Variants in SMYD3 observed in about 807,000 individuals in gnomAD.
SMYD3 encodes SET and MYND domain containing 3.
Under a neutral mutation model 57.7 loss-of-function variants are expected in SMYD3, and 36 were observed. The observed-to-expected ratio is 0.62, with a 90% CI of 0.48 to 0.82. SMYD3 has a LOEUF of 0.82. SMYD3 is among the 40% of genes least tolerant of loss of function. The pLI is 0.00. For missense variants in SMYD3, 515 were observed against 538.8 expected (o/e 0.96, Z 0.44); for synonymous variants, 211 against 195.0 (o/e 1.08, Z -0.68).
intron 5 of SMYD3, among the ~76,000 whole-genome samples, chr1:245,938,256 G>A (rs1192509243): frequency 1.3e-5 from 2 of 152,166 alleles, no homozygotes; most frequent in African/African-American, 2.4e-5. Context: ...CAAGCTGTGC[G>A]GGCCCGCATG....
In SMYD3 at chr1:246,355,165, A is replaced by C. The variant is rs1558420293; in HGVS notation, c.165-71T>G. 7.0e-7 allele frequency: 1 copy of C among 1,426,118 alleles called. No homozygotes were observed. The allele number at this position is 1,426,118 out of a possible 1,614,324, so 88.3% of individuals were successfully genotyped here. A position where few individuals can be genotyped will look rare whatever the true frequency, so the allele number is the denominator to read the frequency against. On this transcript the variant is annotated intron_variant, in intron 1 of 11. Coordinates refer to ENST00000490107, the MANE Select transcript of SMYD3 (RefSeq NM_001167740.2). This position sits in a 1 kb window ranked among gnomAD's most constrained non-coding sequence, Gnocchi z 5.0. ...CATAGTACATAGTTGAAGAAAGAAA[A>C]CATAAGTCAACATACGGACACCCGT...
intron 5 of SMYD3, among the ~76,000 whole-genome samples, chr1:246,206,441 A>G (rs2063000805): frequency 6.6e-6 from 1 of 152,180 alleles, no homozygotes; most frequent in African/African-American, 2.4e-5. Context: ...AGAATCTCAC[A>G]GAAATATAAG....
At chr1:245,818,630 G>A (rs542539807) in intron 10 of SMYD3, among the ~76,000 whole-genome samples, 13,377 of 151,604 alleles carry the variant, frequency 0.088, 1,979 homozygotes, top group African/African-American at 0.31. Context: ...ACCCATCAGT[G>A]TGCTGTATTC....
intron 1 of SMYD3, among the ~76,000 whole-genome samples, chr1:246,380,900 A>G (rs543082141): frequency 6.6e-6 from 1 of 152,330 alleles, no homozygotes; most frequent in Non-Finnish European, 1.5e-5. Context: ...AGCTAGGGTA[A>G]GGTAAAGGCA....
At chr1:246,026,511 C>T (rs2059576628) in intron 5 of SMYD3, among the ~76,000 whole-genome samples, 2 of 152,162 alleles carry the variant, frequency 1.3e-5, no homozygotes. Flanking sequence ...AGCATGTGTG[C>T]ACTTCATGTG....
intron 4 of SMYD3, among the ~76,000 whole-genome samples, chr1:246,330,220 A>T (rs2065436927): frequency 6.6e-6 from 1 of 152,200 alleles, no homozygotes; most frequent in South Asian, 2.1e-4. Flanking sequence ...AAGAAAAATG[A>T]TTTTGTCAAC....
At position 246,245,120 on chromosome 1, in the gene SMYD3, C is replaced by CTTT. The variant is rs74163421; in HGVS notation, c.531+82078_531+82080dup. Among the ~76,000 whole-genome samples the CTTT allele has an allele frequency of 8.9e-4, 110 of 122,946 alleles. 1 individual carries two copies. The highest frequency in any genetic ancestry group is 3.0e-3 in the African/African-American group (98 of 32,624). The allele number at this position is 122,946 out of a possible 152,430, so 80.7% of individuals were successfully genotyped here. Reference sequence around the variant, plus strand: ...CCTAAAAGAATTCAGCAGCTACTGCCTTTTTTTTTTTTTTTTTTTTTAGTT... The same window carrying CTTT: ...CCTAAAAGAATTCAGCAGCTACTGCCTTTTTTTTTTTTTTTTTTTTTTTTAGTT... On this transcript the variant is annotated intron_variant, in intron 5 of 11. Transcript: ENST00000490107.
intron 5 of SMYD3, among the ~76,000 whole-genome samples, chr1:246,305,374 T>G (rs566904831): frequency 6.6e-6 from 1 of 152,210 alleles, no homozygotes; most frequent in Admixed American, 6.5e-5. Context: ...CCTTGTTATC[T>G]TCAATGTAAC....
intron 5 of SMYD3, among the ~76,000 whole-genome samples, chr1:246,162,991 T>C (rs2062147596): frequency 6.6e-6 from 1 of 152,312 alleles, no homozygotes; most frequent in East Asian, 1.9e-4. Flanking sequence ...TTCATCTGTA[T>C]TGTTAACTTG....
At chr1:245,937,863 A>G (rs901422749) in intron 5 of SMYD3, among the ~76,000 whole-genome samples, 1 of 152,216 alleles carries the variant, frequency 6.6e-6, no homozygotes, top group African/African-American at 2.4e-5. Context: ...CCTCACTGTA[A>G]TCTTACTCCC....
intron 5 of SMYD3, among the ~76,000 whole-genome samples, chr1:246,052,066 G>A (rs897886810): frequency 2.0e-5 from 3 of 152,152 alleles, no homozygotes; most frequent in African/African-American, 7.2e-5. Flanking sequence ...CACTTAATTA[G>A]ATTATAAACT....
intron 5 of SMYD3, among the ~76,000 whole-genome samples, chr1:246,161,067 C>T (rs755252739): frequency 1.3e-5 from 2 of 152,122 alleles, no homozygotes; most frequent in Non-Finnish European, 2.9e-5. Context: ...GGTGTTCCAG[C>T]GATTGCTCTA....
At chr1:246,061,346 G>GA (rs1204023873) in intron 5 of SMYD3, among the ~76,000 whole-genome samples, 2 of 152,066 alleles carry the variant, frequency 1.3e-5, no homozygotes, top group African/African-American at 4.8e-5. Context: ...ATATCACCTG[G>GA]AAAAAATGTG....
At chr1:246,172,736 C>T (rs1242860844) in intron 5 of SMYD3, among the ~76,000 whole-genome samples, 8 of 146,836 alleles carry the variant, frequency 5.4e-5, no homozygotes, top group East Asian at 4.3e-4. Context: ...CCACACTGTA[C>T]GCTTAGGCTA....
intron 10 of SMYD3, among the ~76,000 whole-genome samples, chr1:245,798,418 ACACACC>A (rs199942607): frequency 1.4e-5 from 2 of 143,178 alleles, no homozygotes; most frequent in African/African-American, 2.6e-5. Context: ...ACACACACAT[ACACACC>A]CCCACACACA....
intron 1 of SMYD3, among the ~76,000 whole-genome samples, chr1:246,378,719 AATATATT>A (rs370148866): frequency 0.059 from 2,222 of 37,870 alleles, 119 homozygotes; most frequent in African/African-American, 0.13. Flanking sequence ...TATATAATAT[AATATATT>A]ATATATTATA....
intron 8 of SMYD3, among the ~76,000 whole-genome samples, chr1:245,908,665 T>C (rs2054749296): frequency 6.6e-6 from 1 of 152,088 alleles, no homozygotes; most frequent in South Asian, 2.1e-4. Flanking sequence ...AAACTAGAAA[T>C]CAGTAAAAGA....
chr1:245,970,418 A>G lies in SMYD3; in HGVS notation c.532-40481T>C, dbSNP rs544837643. On this transcript the variant is annotated intron_variant, in intron 5 of 11. Transcript: ENST00000490107. ...AGGCATGGGCAAGGACTTCATGTCT[A>G]AAACACCAAAAGCAATGGCAACAAA... 5.8e-4 allele frequency among the ~76,000 whole-genome samples: 88 copies of G among 152,366 alleles called. 1 individual carries two copies. The highest frequency in any genetic ancestry group is 2.0e-3 in the African/African-American group (83 of 41,592).
chr1:246,387,783 T>C (rs1346598131), intron 1 of SMYD3, among the ~76,000 whole-genome samples: 3 of 152,214 alleles, frequency 2.0e-5, no homozygotes, highest in African/African-American at 4.8e-5. Context: ...AAAATTATAT[T>C]AAAAATAACA....
Sources: gnomAD v4.1 joint callset for allele counts (sites outside exome capture counted in the v4.1 genomes callset) on GRCh38, gnomAD v4.1.1 for gene constraint, Gnocchi (gnomAD v3.1) non-coding constraint, MANE v1.5 for transcripts, NCBI Gene and HGNC (gene_info 2026-07-23, HGNC 2026-07-21) for gene names.